Variants in KMT2A observed in about 807,000 individuals in gnomAD.
KMT2A encodes the protein histone-lysine N-methyltransferase 2A.
A neutral mutation model predicts 345.3 loss-of-function variants in KMT2A; 16 were observed. The observed-to-expected ratio is 0.05, with a 90% CI of 0.03 to 0.07. KMT2A has a LOEUF of 0.07. Ranked by LOEUF, KMT2A falls within the 10% of genes least tolerant of loss-of-function variation. The pLI is 1.00. For missense variants in KMT2A, 3,272 were observed against 4,841.6 expected (o/e 0.68, Z 9.62); for synonymous variants, 1,599 against 1,778.6 (o/e 0.90, Z 2.54).
intron 31 of KMT2A, among the ~76,000 whole-genome samples, chr11:118,519,077 CA>C (rs11443977): frequency 9.8e-3 from 652 of 66,406 alleles, no homozygotes; most frequent in African/African-American, 0.035. Flanking sequence ...GACTCCATCT[CA>C]AAAAAAAAAA....
Position 118,502,608 on chromosome 11 carries a change from T to G in KMT2A, c.6716T>G (p.Leu2239Arg). ...TCCACCACCGGGACCGCTACTGATC[T>G]TGAATCAAGTGCCAAAGTAGTTGAT... ...SVSTTGTATD[L>R]ESSAKVVDHV... is the part of the protein sequence containing the mutation. Residue 2239 changes from leucine (L) to arginine (R), a missense_variant, in exon 27 of 36, where the codon CTT becomes CGT. Physicochemically the swap from Leu to Arg is moderately radical, Grantham distance 102 (BLOSUM62 -2). Around this residue, in one of 27 missense-constraint regions of KMT2A, gnomAD observed 445 missense variants for 500.9 expected, o/e 0.89. Coordinates refer to ENST00000534358, the MANE Select transcript of KMT2A (RefSeq NM_001197104.2). The surrounding 1 kb of genome is among the most constrained non-coding windows in gnomAD (Gnocchi z 4.9). The G allele has an allele frequency of 6.2e-7, 1 of 1,614,202 alleles. No individual in the cohort carries two copies. The highest frequency in any genetic ancestry group is 8.5e-7 in the Non-Finnish European group (1 of 1,180,032).
intron 8 of KMT2A, among the ~76,000 whole-genome samples, chr11:118,482,865 C>G (rs1555039744): frequency 1.3e-5 from 2 of 151,976 alleles, no homozygotes; most frequent in Admixed American, 1.3e-4. Flanking sequence ...CCCAGGAATT[C>G]AAGGCTGTAG....
intron 10 of KMT2A, among the ~76,000 whole-genome samples, chr11:118,486,268 T>C (rs960181990): frequency 1.7e-4 from 26 of 152,210 alleles, no homozygotes; most frequent in Middle Eastern, 3.4e-3. Context: ...CCATCTTAGT[T>C]TGGAAAAGTG....
In KMT2A at chr11:118,505,419, T is replaced by G; in HGVS notation, c.9527T>G (p.Phe3176Cys). 6.2e-7 allele frequency: 1 copy of G among 1,614,176 alleles called. No individual in the cohort carries two copies. The highest frequency in any genetic ancestry group is 8.5e-7 in the Non-Finnish European group (1 of 1,180,028). ...TTCCCTGCAGCTACTCAAAGTAGTT[T>G]CCCACCAAACATCAGCAATCCTCCT... ...HSFPAATQSSFPPNISNPPSG... is the reference protein window; with the variant it reads ...HSFPAATQSSCPPNISNPPSG... The change falls in exon 27 of 36, where the codon TTC becomes TGC. Residue 3176 changes from phenylalanine to cysteine, a missense_variant. By Grantham distance (205) the Phe-to-Cys change is radical (BLOSUM62 -2). Coordinates refer to ENST00000534358, the MANE Select transcript of KMT2A (RefSeq NM_001197104.2). The surrounding 1 kb of genome is among the most constrained non-coding windows in gnomAD (Gnocchi z 4.6).
rs2134378306 is a variant in KMT2A at position 118,500,982 on chromosome 11, C to T, written c.6159-5C>T. ...ATGATGATTTTCCCAAATCTGTTTA[C>T]CCAGGTGTTCCAGGGTATACTGGAG... On this transcript the variant is annotated splice_region_variant and splice_polypyrimidine_tract_variant and intron_variant, in intron 24 of 35. Transcript: ENST00000534358. The T allele has an allele frequency of 6.2e-7, 1 of 1,604,996 alleles. No individual in the cohort carries two copies. The highest frequency in any genetic ancestry group is 8.5e-7 in the Non-Finnish European group (1 of 1,172,840).
chr11:118,491,918 G>C lies in KMT2A; in HGVS notation c.4994G>C (p.Arg1665Pro), dbSNP rs781823826. 6.2e-7 allele frequency: 1 copy of C among 1,612,724 alleles called. No individual in the cohort carries two copies. The highest frequency in any genetic ancestry group is 8.5e-7 in the Non-Finnish European group (1 of 1,179,448). ...TCTCGGACTACCAGCCATTTGCTAC[G>C]CTACCGGCAGGTAGGCCAAGTCTCA... ...LNSRTTSHLL[R>P]YRQAAKPPDL... Residue 1665 changes from arginine (R) to proline (P), a missense_variant, in exon 15 of 36, where the codon CGC becomes CCC. By Grantham distance (103) the Arg-to-Pro change is moderately radical (BLOSUM62 -2). This residue lies in a region of KMT2A where 66 missense variants were observed against 80.1 expected (regional missense o/e 0.82). Transcript: ENST00000534358. This position sits in a 1 kb window ranked among gnomAD's most constrained non-coding sequence, Gnocchi z 4.2.
In KMT2A at chr11:118,519,702, G is replaced by A. The variant is rs1342425133; in HGVS notation, c.11231G>A (p.Arg3744Gln). The change falls in exon 32 of 36, where the codon CGA becomes CAA. Residue 3744 changes from arginine to glutamine, a missense_variant. By Grantham distance (43) the Arg-to-Gln change is conservative (BLOSUM62 1). Around this residue, in one of 27 missense-constraint regions of KMT2A, gnomAD observed 72 missense variants for 135.6 expected, o/e 0.53. Transcript: ENST00000534358. ...CAGCTGTCTGGTGCCAAGCACTGTC[G>A]AAATTACAAATTCCGTTTCCACAAG... The part of the protein sequence containing the change: ...IEQLSGAKHC[R>Q]NYKFRFHKPE... 11 of 1,614,032 alleles carry A rather than the reference G, an allele frequency of 6.8e-6. No individual in the cohort carries two copies. The highest frequency in any genetic ancestry group is 3.3e-5 in the South Asian group (3 of 91,084).
At chr11:118,443,925 T>A (rs1949364537) in intron 1 of KMT2A, among the ~76,000 whole-genome samples, 1 of 152,204 alleles carries the variant, frequency 6.6e-6, no homozygotes, top group Admixed American at 6.5e-5. Flanking sequence ...TGGGTATAGA[T>A]GTTTTGATGT....
chr11:118,498,688 G>A lies in KMT2A; in HGVS notation c.5961+160G>A, dbSNP rs1950450141. 6.6e-6 allele frequency among the ~76,000 whole-genome samples: 1 copy of A among 152,042 alleles called. No homozygotes were observed. Among genetic ancestry groups the A allele is most frequent in the Admixed American group, 6.6e-5 (1 of 15,264 alleles). On this transcript the variant is annotated intron_variant, in intron 22 of 35. Coordinates refer to ENST00000534358, the MANE Select transcript of KMT2A (RefSeq NM_001197104.2). This position sits in a 1 kb window ranked among gnomAD's most constrained non-coding sequence, Gnocchi z 4.4. ...CATGATCAGCATCCCCCACCAGAGT[G>A]GTGCATTTGTTACAGTGGATAAACC...
In KMT2A at chr11:118,505,563, G is replaced by A. The variant is rs1555047882; in HGVS notation, c.9671G>A (p.Arg3224Lys). Reference protein sequence around the residue: ...VATPSSGLKKRPISRLQTRKN... With the variant: ...VATPSSGLKKKPISRLQTRKN... ...ACTCCATCCTCTGGACTCAAGAAAAGACCCATATCTCGTCTACAGACCCGA... is the reference window on the plus strand; with the variant it reads ...ACTCCATCCTCTGGACTCAAGAAAAAACCCATATCTCGTCTACAGACCCGA... Residue 3224 changes from arginine (R) to lysine (K), a missense_variant, in exon 27 of 36, where the codon AGA becomes AAA. Transcript: ENST00000534358. This position sits in a 1 kb window ranked among gnomAD's most constrained non-coding sequence, Gnocchi z 4.6. 1 of 1,614,092 alleles carries A rather than the reference G, an allele frequency of 6.2e-7. No individual in the cohort carries two copies. Among genetic ancestry groups the A allele is most frequent in the Non-Finnish European group, 8.5e-7 (1 of 1,179,988 alleles).
chr11:118,498,438 T>C lies in KMT2A; in HGVS notation c.5871T>C (p.Tyr1957=), dbSNP rs782057036. ...GTCTCACATCCTGCACCAGCAACTATCACTTCATGTGTTCCCGAGCCAAGA... is the reference window on the plus strand; with the variant it reads ...GTCTCACATCCTGCACCAGCAACTACCACTTCATGTGTTCCCGAGCCAAGA... ...GCCLTSCTSN[Y]HFMCSRAKNC... Residue 1957 remains tyrosine (Y), a synonymous_variant, in exon 22 of 36, where the codon TAT becomes TAC. Transcript: ENST00000534358. This position sits in a 1 kb window ranked among gnomAD's most constrained non-coding sequence, Gnocchi z 4.4. 8.1e-6 allele frequency: 13 copies of C among 1,613,818 alleles called. No homozygotes were observed. The highest frequency in any genetic ancestry group is 3.3e-5 in the Admixed American group (2 of 59,982).
intron 4 of KMT2A, among the ~76,000 whole-genome samples, chr11:118,477,737 C>T (rs1950065590): frequency 6.6e-6 from 1 of 151,606 alleles, no homozygotes; most frequent in Non-Finnish European, 1.5e-5. Flanking sequence ...AAACCCCTGA[C>T]CTCAGGTGAT....
chr11:118,462,855 C>A (rs956818997), intron 1 of KMT2A, among the ~76,000 whole-genome samples: 1 of 152,218 alleles, frequency 6.6e-6, no homozygotes, highest in Non-Finnish European at 1.5e-5. Context: ...AGCCACTGCA[C>A]CCGGCCTGAC....
At position 118,483,134 on chromosome 11, in the gene KMT2A, G is replaced by A. The variant is rs567046325; in HGVS notation, c.4086+639G>A. The stretch of plus-strand genomic sequence containing the variant: ...TGTAATCCTAGCTACTTGGGAGGCT[G>A]AGGCAGGGGAATTGCCTGAACCTGC... On this transcript the variant is annotated intron_variant, in intron 8 of 35. Coordinates refer to ENST00000534358, the MANE Select transcript of KMT2A (RefSeq NM_001197104.2). Among the ~76,000 whole-genome samples the A allele has an allele frequency of 6.6e-5, 10 of 151,872 alleles. No homozygotes were observed. In the East Asian group the frequency reaches 1.9e-3, roughly 29 times the overall value.
intron 1 of KMT2A, among the ~76,000 whole-genome samples, chr11:118,442,129 T>A (rs999118731): frequency 6.6e-6 from 1 of 152,234 alleles, no homozygotes; most frequent in Non-Finnish European, 1.5e-5. Flanking sequence ...TTCAGCTTCC[T>A]TCTAGCACTT....
At chr11:118,458,070 C>T in intron 1 of KMT2A, 1 of 271,166 alleles carries the variant, frequency 3.7e-6, no homozygotes, top group Non-Finnish European at 7.6e-6. Flanking sequence ...TTTTGAGATG[C>T]TTTCAAATTT....
intron 24 of KMT2A, 198 bp from the exon 25 acceptor site, chr11:118,500,789 G>C (rs1019276202): frequency 2.5e-6 from 1 of 407,656 alleles, no homozygotes; most frequent in African/African-American, 2.0e-5. Context: ...TATTTTCTGA[G>C]AGGCTAAGAA....
intron 1 of KMT2A, among the ~76,000 whole-genome samples, chr11:118,456,313 C>T (rs1379325453): frequency 6.6e-6 from 1 of 151,926 alleles, no homozygotes; most frequent in Non-Finnish European, 1.5e-5. Context: ...ATAGTGAGAC[C>T]TCATCTCTAC....
chr11:118,519,596 C>T (rs1950912393), intron 31 of KMT2A, 22 bp from the exon 32 acceptor site: 2 of 1,603,290 alleles, frequency 1.2e-6, no homozygotes, highest in Non-Finnish European at 1.7e-6. Context: ...CCTCACTTCC[C>T]TGGTGCTTCT....
Sources: allele counts gnomAD v4.1 joint callset (sites outside exome capture counted in the v4.1 genomes callset), GRCh38; gene constraint gnomAD v4.1.1; regional missense constraint gnomAD v4.1.1; non-coding constraint Gnocchi (gnomAD v3.1); transcripts MANE v1.5; gene names NCBI Gene and HGNC (gene_info 2026-07-23, HGNC 2026-07-21).